The following NLGN1 variants were observed in gnomAD, a reference collection of about 807,000 sequenced individuals.
NLGN1 encodes neuroligin-1.
NLGN1 carries 12 observed loss-of-function variants against 65.5 expected under a neutral mutation model. The observed-to-expected ratio is 0.18, with a 90% CI of 0.12 to 0.30. NLGN1 has a LOEUF of 0.30. Among genes scored for constraint, NLGN1 ranks in the 10% least tolerant of loss-of-function variants. The pLI, the probability that NLGN1 is intolerant of heterozygous loss-of-function variation, is 1.00. For synonymous variants in NLGN1, 350 were observed against 359.5 expected (o/e 0.97, Z 0.30); for missense variants, 750 against 1,007.1 (o/e 0.74, Z 3.46).
chr3:173,659,036 T>G (rs1209873297), intron 3 of NLGN1, among the ~76,000 whole-genome samples: 2 of 152,124 alleles, frequency 1.3e-5, no homozygotes, highest in African/African-American at 4.8e-5. Context: ...GAAGTGTAAC[T>G]CCAGAAGCTT....
At chr3:173,764,722 C>G (rs1179463856) in intron 3 of NLGN1, among the ~76,000 whole-genome samples, 2 of 152,036 alleles carry the variant, frequency 1.3e-5, no homozygotes, top group Admixed American at 6.6e-5. Context: ...GAAAGGATTT[C>G]TAGTTCTTTT....
chr3:173,867,434 A>G (rs987233824), intron 4 of NLGN1, among the ~76,000 whole-genome samples: 8 of 152,074 alleles, frequency 5.3e-5, no homozygotes, highest in African/African-American at 1.9e-4. Context: ...TACTTATAAT[A>G]CGGTTCTGAC....
intron 2 of NLGN1, among the ~76,000 whole-genome samples, chr3:173,574,488 G>C (rs1171259295): frequency 6.6e-6 from 1 of 151,938 alleles, no homozygotes; most frequent in Non-Finnish European, 1.5e-5. Context: ...TTATTAGTAA[G>C]TAATTTTTAA....
intron 4 of NLGN1, among the ~76,000 whole-genome samples, chr3:174,007,258 A>G (rs1724623909): frequency 6.6e-6 from 1 of 152,128 alleles, no homozygotes; most frequent in South Asian, 2.1e-4. Flanking sequence ...CAGAGAGAAA[A>G]TACATTTTTT....
intron 2 of NLGN1, among the ~76,000 whole-genome samples, chr3:173,488,035 T>C (rs1349873806): frequency 2.6e-5 from 4 of 151,986 alleles, no homozygotes; most frequent in Non-Finnish European, 5.9e-5. Context: ...TTTTTCATTC[T>C]TCTTTTCTAC....
At chr3:174,027,279 C>T (rs1052599610) in intron 4 of NLGN1, among the ~76,000 whole-genome samples, 2 of 152,104 alleles carry the variant, frequency 1.3e-5, no homozygotes, top group African/African-American at 4.8e-5. Flanking sequence ...ATCTTGGACT[C>T]TCTCTGAAAC....
chr3:174,152,416 T>G (rs1724547380), intron 4 of NLGN1, among the ~76,000 whole-genome samples: 1 of 152,092 alleles, frequency 6.6e-6, no homozygotes, highest in South Asian at 2.1e-4. Flanking sequence ...AAACACCGCA[T>G]GTTCTCACTC....
chr3:174,101,729 T>C (rs9822250), intron 4 of NLGN1, among the ~76,000 whole-genome samples: 3,372 of 152,280 alleles, frequency 0.022, 146 homozygotes, highest in African/African-American at 0.076. Flanking sequence ...TATAGATTCA[T>C]AATAAATAGT....
chr3:173,927,227 C>T (rs1743172399), intron 4 of NLGN1, among the ~76,000 whole-genome samples: 1 of 152,072 alleles, frequency 6.6e-6, no homozygotes, highest in South Asian at 2.1e-4. Flanking sequence ...CCACGCCTGG[C>T]TAATTTTTGT....
intron 4 of NLGN1, among the ~76,000 whole-genome samples, chr3:174,074,460 C>A (rs1442640710): frequency 6.6e-6 from 1 of 152,236 alleles, no homozygotes; most frequent in East Asian, 1.9e-4. Context: ...TAATGACCAA[C>A]TACATGATGA....
intron 4 of NLGN1, among the ~76,000 whole-genome samples, chr3:174,089,132 A>T (rs1041698915): frequency 2.0e-5 from 3 of 152,202 alleles, no homozygotes; most frequent in Non-Finnish European, 4.4e-5. Flanking sequence ...ATAGATCCCA[A>T]CTCAGTGTAT....
At chr3:174,276,616 A>G (rs9814075) in intron 5 of NLGN1, among the ~76,000 whole-genome samples, 6,432 of 151,978 alleles carry the variant, frequency 0.042, 442 homozygotes, top group African/African-American at 0.15. Flanking sequence ...TCAAAAACAC[A>G]TGAATGTTGA....
chr3:173,907,323 G>GA (rs1738615663), intron 4 of NLGN1, among the ~76,000 whole-genome samples: 1 of 152,116 alleles, frequency 6.6e-6, no homozygotes, highest in African/African-American at 2.4e-5. Context: ...TTACCGTGAG[G>GA]CATCACTTAA....
At chr3:173,525,227 TTTTTTG>T (rs1238642267) in intron 2 of NLGN1, among the ~76,000 whole-genome samples, 1 of 123,512 alleles carries the variant, frequency 8.1e-6, no homozygotes, top group African/African-American at 3.0e-5. Context: ...CCTGGGTGGG[TTTTTTG>T]TTGTTGTTGT....
chr3:174,269,487 C>T (rs1748932995), intron 4 of NLGN1, among the ~76,000 whole-genome samples: 1 of 151,928 alleles, frequency 6.6e-6, no homozygotes, highest in Non-Finnish European at 1.5e-5. Flanking sequence ...TTCAGAGGCT[C>T]ATCCATGTTG....
At chr3:173,466,266 C>T (rs1399636616) in intron 2 of NLGN1, among the ~76,000 whole-genome samples, 1 of 152,140 alleles carries the variant, frequency 6.6e-6, no homozygotes, top group African/African-American at 2.4e-5. Flanking sequence ...ATTTAACAGG[C>T]TCCTAGCCCT....
At chr3:174,167,167 T>C (rs1210599605) in intron 4 of NLGN1, among the ~76,000 whole-genome samples, 1 of 152,114 alleles carries the variant, frequency 6.6e-6, no homozygotes, top group East Asian at 1.9e-4. Flanking sequence ...AAGTGGGGCA[T>C]TTAGACCATT....
Position 173,452,771 on chromosome 3 carries a change from C to G in NLGN1, c.-321+17693C>G, listed in dbSNP as rs1299894970. Among the ~76,000 whole-genome samples the G allele has an allele frequency of 2.0e-5, 3 of 152,122 alleles. No individual in the cohort carries two copies. In the South Asian group the frequency reaches 6.2e-4, roughly 32 times the overall value. On this transcript the variant is annotated intron_variant, in intron 2 of 6. Coordinates refer to ENST00000457714, the Ensembl canonical transcript of NLGN1. ...TAGTACAATAGGAGATTCAGGGATACCTCAGAAATACTGTGTGTTCGGTTC... is the reference window on the plus strand; with the variant it reads ...TAGTACAATAGGAGATTCAGGGATAGCTCAGAAATACTGTGTGTTCGGTTC...
intron 4 of NLGN1, among the ~76,000 whole-genome samples, chr3:174,067,034 G>A (rs1738761223): frequency 1.3e-5 from 2 of 152,006 alleles, no homozygotes; most frequent in Non-Finnish European, 2.9e-5. Flanking sequence ...TGAATTTGTT[G>A]TTTAATAAAC....
Sources: gnomAD v4.1 joint callset for allele counts (sites outside exome capture counted in the v4.1 genomes callset) on GRCh38, gnomAD v4.1.1 for gene constraint, MANE v1.5 for transcripts, NCBI Gene and HGNC (gene_info 2026-07-23, HGNC 2026-07-21) for gene names.